The following PGC variants were observed in gnomAD, a reference collection of about 807,000 sequenced individuals.
PGC encodes the protein progastricsin.
Under a neutral mutation model 45.9 loss-of-function variants are expected in PGC, and 31 were observed. The observed-to-expected ratio is 0.67, with a 90% CI of 0.51 to 0.91. PGC has a LOEUF of 0.91. Among genes scored for constraint, PGC ranks in the 40% least tolerant of loss-of-function variants. The probability of loss-of-function intolerance (pLI) is 0.00; values close to 1 mark genes in which losing one functional copy is unlikely to be tolerated. For synonymous variants in PGC, 192 were observed against 201.8 expected (o/e 0.95, Z 0.41); for missense variants, 477 against 493.2 (o/e 0.97, Z 0.31).
At position 41,739,904 on chromosome 6, in the gene PGC, A is replaced by G; in HGVS notation, c.810T>C (p.Gly270=). 6.2e-7 allele frequency: 1 copy of G among 1,614,086 alleles called. No homozygotes were observed. The highest frequency in any genetic ancestry group is 8.5e-7 in the Non-Finnish European group (1 of 1,179,984). Residue 270 remains glycine (G), a synonymous_variant, in exon 7 of 9, where the codon GGT becomes GGC. Transcript: ENST00000373025. ...TGCCTGTGTCCACGATGGCCTGGCA[A>G]CCCTCAGAACACCAGCCGGAGGCCT... ...GGQASGWCSE[G]CQAIVDTGTS...
chr6:41,741,025 C>A, intron 5 of PGC: 1 of 1,536,238 alleles, frequency 6.5e-7, no homozygotes, highest in Non-Finnish European at 8.7e-7. Context: ...GTGGTTGGGA[C>A]CCCCAGCCCA....
At chr6:41,741,143 G>A (rs1030010265) in intron 5 of PGC, 22 of 1,537,040 alleles carry the variant, frequency 1.4e-5, no homozygotes, top group Admixed American at 2.0e-5. Context: ...AGACAGGTAG[G>A]GTCTTGGTGA....
In PGC at chr6:41,736,727, A is replaced by C; in HGVS notation, c.*125T>G. The C allele has an allele frequency of 9.9e-7, 1 of 1,009,742 alleles. No homozygotes were observed. The highest frequency in any genetic ancestry group is 1.6e-6 in the Non-Finnish European group (1 of 639,178). 62.5% of individuals were successfully genotyped at this position (1,009,742 alleles called of 1,614,324 possible). Reference sequence around the variant, plus strand: ...TGACCAACATAAAGAAGAACTATTTATTATTAGAGAAAGTCCAGAGTCCAG... The same window carrying C: ...TGACCAACATAAAGAAGAACTATTTCTTATTAGAGAAAGTCCAGAGTCCAG... On this transcript the variant is annotated 3_prime_UTR_variant, in exon 9 of 9. Transcript: ENST00000373025.
Position 41,737,005 on chromosome 6 carries a change from C to T in PGC, c.1015-1G>A, listed in dbSNP as rs149166358. The T allele has an allele frequency of 9.7e-4, 1,561 of 1,612,466 alleles. No individual in the cohort carries two copies. The highest frequency in any genetic ancestry group is 1.2e-3 in the Non-Finnish European group (1,417 of 1,179,236). On this transcript the variant is annotated splice_acceptor_variant, in intron 8 of 8. Transcript: ENST00000373025. LOFTEE classifies it high-confidence loss of function. ...CTCCCACGGTGCAGTAGCCGTTGTT[C>T]TGCTCAACAAAGAAAGGCAGCACTC...
intron 3 of PGC, 127 bp from the exon 4 acceptor site, chr6:41,743,516 CT>C: frequency 2.9e-6 from 2 of 698,414 alleles, no homozygotes; most frequent in Non-Finnish European, 5.2e-6. Context: ...CTCAGCACCC[CT>C]GGTTGCCAAG....
chr6:41,737,019 A>C lies in PGC; in HGVS notation c.1015-15T>G, dbSNP rs747998174. The C allele has an allele frequency of 1.9e-6, 3 of 1,609,396 alleles. No homozygotes were observed. The highest frequency in any genetic ancestry group is 2.2e-5 in the East Asian group (1 of 44,852). The stretch of plus-strand genomic sequence containing the variant: ...TAGCCGTTGTTCTGCTCAACAAAGA[A>C]AGGCAGCACTCATTCATTTGTCCAC... On this transcript the variant is annotated splice_polypyrimidine_tract_variant and intron_variant, in intron 8 of 8. Transcript: ENST00000373025.
rs71858470 is a variant in PGC, at chr6:41,744,985, GTCTGTC to G, written c.60-183_60-178del. Among the ~76,000 whole-genome samples, 28,964 of 96,754 alleles carry G rather than the reference GTCTGTC, an allele frequency of 0.3. 2,782 individuals are homozygous for G. Among genetic ancestry groups the G allele is most frequent in the Non-Finnish European group, 0.32 (13,245 of 42,030 alleles). The allele number at this position is 96,754 out of a possible 152,430, so 63.5% of individuals were successfully genotyped here. ...AGCCTTTTGCTCTCTGTCTCTGTCT[GTCTGTC>G]TCTCTGTGTGTGTGTGTGTGTGTGC... On this transcript the variant is annotated intron_variant, in intron 1 of 8. Coordinates refer to ENST00000373025, the MANE Select transcript of PGC (RefSeq NM_002630.4). The surrounding 1 kb of genome is among the most constrained non-coding windows in gnomAD (Gnocchi z 4.4).
Position 41,740,473 on chromosome 6 carries a change from G to C in PGC, c.767+18C>G, listed in dbSNP as rs767659556. The stretch of plus-strand genomic sequence containing the variant: ...TCCAAGGAAGTGCCACATCCCCAGG[G>C]CCCCACCGCAGACTCACTCTTCAAT... On this transcript the variant is annotated intron_variant, in intron 6 of 8. Coordinates refer to ENST00000373025, the MANE Select transcript of PGC (RefSeq NM_002630.4). 6.3e-6 allele frequency: 10 copies of C among 1,595,680 alleles called. No homozygotes were observed. The African/African-American group carries it at 1.3e-4, about 22-fold the overall frequency.
Position 41,736,925 on chromosome 6 carries a change from T to A in PGC, c.1094A>T (p.Asp365Val). ...GGAATAGTAGGACCTGAGGAAGACA[T>A]CCCCGAGGATCCACAGGGGCTGGCC... Reference protein sequence around the residue: ...QNGQPLWILGDVFLRSYYSVY... With the variant: ...QNGQPLWILGVVFLRSYYSVY... The change falls in exon 9 of 9, where the codon GAT becomes GTT. Residue 365 changes from aspartate (D) to valine (V), a missense_variant. Coordinates refer to ENST00000373025, the MANE Select transcript of PGC (RefSeq NM_002630.4). 1.2e-6 allele frequency: 2 copies of A among 1,613,936 alleles called. No individual in the cohort carries two copies. The highest frequency in any genetic ancestry group is 1.3e-5 in the African/African-American group (1 of 74,982).
rs972624850 is a variant in PGC at position 41,743,265 on chromosome 6, A to G, written c.447+6T>C. The G allele has an allele frequency of 1.9e-6, 3 of 1,557,242 alleles. No individual in the cohort carries two copies. The South Asian group carries it at 3.3e-5, about 17-fold the overall frequency. ...GCCCCAGCCTCCACTCCCCATGCCC[A>G]CTCACAGTCAGGGTGTCATAGCCAA... On this transcript the variant is annotated splice_donor_region_variant and intron_variant, in intron 4 of 8. Transcript: ENST00000373025.
In PGC at chr6:41,744,419, G is replaced by A. The variant is rs1447341253; in HGVS notation, c.306C>T (p.Val102=). 1.9e-6 allele frequency: 3 copies of A among 1,612,438 alleles called. No homozygotes were observed. Among genetic ancestry groups the A allele is most frequent in the Non-Finnish European group, 2.5e-6 (3 of 1,179,564 alleles). ...TGSSNLWVPS[V]YCQSQACTSH... ...CACTGCAGGCCTGGCTCTGGCAGTAGACAGAGGGCACCCACAAGTTGGAGG... is the reference window on the plus strand; with the variant it reads ...CACTGCAGGCCTGGCTCTGGCAGTAAACAGAGGGCACCCACAAGTTGGAGG... Residue 102 remains valine, a synonymous_variant, in exon 3 of 9, where the codon GTC becomes GTT. Transcript: ENST00000373025. The surrounding 1 kb of genome is among the most constrained non-coding windows in gnomAD (Gnocchi z 4.4).
intron 7 of PGC, among the ~76,000 whole-genome samples, chr6:41,738,205 T>TATATATATA (rs1554138634): frequency 1.6e-5 from 1 of 63,366 alleles, no homozygotes; most frequent in Non-Finnish European, 3.0e-5. Flanking sequence ...TATATATGCA[T>TATATATATA]ATATATATGC....
rs540014643 is a variant in PGC, at chr6:41,737,092, A to G, written c.1015-88T>C. ...CTCTGAGCCCTGGGCTGGGAGCACA[A>G]GTGCAGAGCTGAGGGAGCCAGGGTC... On this transcript the variant is annotated intron_variant, in intron 8 of 8. Coordinates refer to ENST00000373025, the MANE Select transcript of PGC (RefSeq NM_002630.4). 4.3e-4 allele frequency: 565 copies of G among 1,320,910 alleles called. 5 individuals are homozygous for G. In the Admixed American group the frequency reaches 0.013, roughly 30 times the overall value. 81.8% of individuals were successfully genotyped at this position (1,320,910 alleles called of 1,614,324 possible). A position where few individuals can be genotyped will look rare whatever the true frequency, so the allele number is the denominator to read the frequency against.
Position 41,739,886 on chromosome 6 carries a change from G to A in PGC, c.828C>T (p.Asp276=), listed in dbSNP as rs1286023335. The A allele has an allele frequency of 2.5e-6, 4 of 1,614,054 alleles. No homozygotes were observed. The highest frequency in any genetic ancestry group is 3.4e-6 in the Non-Finnish European group (4 of 1,179,992). The change falls in exon 7 of 9, where the codon GAC becomes GAT. Residue 276 remains aspartate, a synonymous_variant. Coordinates refer to ENST00000373025, the MANE Select transcript of PGC (RefSeq NM_002630.4). ...GCACAGTGAGCAGAGAGGTGCCTGT[G>A]TCCACGATGGCCTGGCAACCCTCAG... ...WCSEGCQAIV[D]TGTSLLTVPQ...
chr6:41,741,172 A>G (rs1561881172), intron 5 of PGC: 1 of 1,534,450 alleles, frequency 6.5e-7, no homozygotes, highest in Non-Finnish European at 8.7e-7. Context: ...AGGATATTCC[A>G]TGTTTGTTCC....
Position 41,747,364 on chromosome 6 carries a change from A to G in PGC, c.-30T>C, listed in dbSNP as rs1248609233. The G allele has an allele frequency of 1.2e-6, 2 of 1,601,404 alleles. No homozygotes were observed. The highest frequency in any genetic ancestry group is 1.7e-6 in the Non-Finnish European group (2 of 1,168,614). ...CTGGTCCCCAACTGGCCACAGAGGA[A>G]GAGCAGCTCTGAGTTCTGCAGTCGC... On this transcript the variant is annotated 5_prime_UTR_variant, in exon 1 of 9. Transcript: ENST00000373025.
intron 6 of PGC, among the ~76,000 whole-genome samples, chr6:41,740,244 A>G (rs1480599680): frequency 6.6e-6 from 1 of 152,158 alleles, no homozygotes; most frequent in African/African-American, 2.4e-5. Flanking sequence ...ATGGGGCTGG[A>G]CTGCAGGGTC....
intron 6 of PGC, 117 bp downstream of exon 6, chr6:41,740,374 G>A (rs2127289212): frequency 7.6e-7 from 1 of 1,324,026 alleles, no homozygotes; most frequent in Non-Finnish European, 1.0e-6. Context: ...GTAGGAGTAA[G>A]CCTCAGGGGT....
Position 41,744,655 on chromosome 6 carries a change from C to G in PGC, c.210+3G>C. On this transcript the variant is annotated splice_donor_region_variant and intron_variant, in intron 2 of 8. Transcript: ENST00000373025. The surrounding 1 kb of genome is among the most constrained non-coding windows in gnomAD (Gnocchi z 4.4). ...GCTACCGCCAGAAAGGGTCAGGACTCACATCCATGTAGGCCATGGGCTCGT... is the reference window on the plus strand; with the variant it reads ...GCTACCGCCAGAAAGGGTCAGGACTGACATCCATGTAGGCCATGGGCTCGT... 6.2e-7 allele frequency: 1 copy of G among 1,614,008 alleles called. No homozygotes were observed. Among genetic ancestry groups the G allele is most frequent in the East Asian group, 2.2e-5 (1 of 44,870 alleles).
Sources: gnomAD v4.1 joint callset for allele counts (sites outside exome capture counted in the v4.1 genomes callset) on GRCh38, gnomAD v4.1.1 for gene constraint, Gnocchi (gnomAD v3.1) non-coding constraint, MANE v1.5 for transcripts, NCBI Gene and HGNC (gene_info 2026-07-23, HGNC 2026-07-21) for gene names.